Variants in NKX2-8 observed in about 807,000 individuals in gnomAD.
NKX2-8 encodes the protein NK2 homeobox 8.
A neutral mutation model predicts 6.4 loss-of-function variants in NKX2-8; 8 were observed. That is an observed-to-expected ratio of 1.24 (90% CI 0.73 to 2.24). The LOEUF (loss-of-function observed/expected upper bound fraction) is 2.24, where lower values mean the gene tolerates loss of function less well. Among genes scored for constraint, NKX2-8 ranks in the 30% most tolerant of loss-of-function variants. The probability of loss-of-function intolerance (pLI) is 0.00; values close to 1 mark genes in which losing one functional copy is unlikely to be tolerated. For synonymous variants in NKX2-8, 216 were observed against 171.5 expected (o/e 1.26, Z -2.03); for missense variants, 406 against 351.1 (o/e 1.16, Z -1.25).
intron 1 of NKX2-8, 65 bp downstream of exon 1, chr14:36,582,168 C>G: frequency 6.6e-7 from 1 of 1,504,868 alleles, no homozygotes; most frequent in East Asian, 2.4e-5. Flanking sequence ...GTGGGCTGGG[C>G]CCTTGATTCT....
rs758918043 is a variant in NKX2-8, at chr14:36,581,389, C to G, written c.233G>C (p.Gly78Ala). 1 of 1,595,152 alleles carries G rather than the reference C, an allele frequency of 6.3e-7. No individual in the cohort carries two copies. The highest frequency in any genetic ancestry group is 1.1e-5 in the South Asian group (1 of 88,288). ...CTTCTTCCTTTTCTCGGCGTCCGAG[C>G]CCGGAGACGCGGGCCTAGCGGACGG... ...QRPSARPASPGSDAEKRKKRR... is the reference protein window; with the variant it reads ...QRPSARPASPASDAEKRKKRR... Residue 78 changes from glycine to alanine, a missense_variant, in exon 2 of 2, where the codon GGC (glycine) becomes GCC (alanine). Gly to Ala is a moderately conservative substitution (Grantham distance 60). Coordinates refer to ENST00000258829, the MANE Select transcript of NKX2-8 (RefSeq NM_014360.4). This position sits in a 1 kb window ranked among gnomAD's most constrained non-coding sequence, Gnocchi z 5.6.
intron 1 of NKX2-8, 101 bp downstream of exon 1, chr14:36,582,132 C>T: frequency 1.5e-6 from 2 of 1,294,340 alleles, no homozygotes; most frequent in Non-Finnish European, 2.1e-6. Context: ...AGACTCTGGG[C>T]TGGGATTTCG....
Position 36,581,269 on chromosome 14 carries a change from G to T in NKX2-8, c.353C>A (p.Ala118Glu). ...CGTGGGCGTGAGGCGAAGCAGGCTC[G>T]CCAGCTGCTCGCGCTCGGGCGCAGA... Reference protein sequence around the residue: ...YLSAPEREQLASLLRLTPTQV... With the variant: ...YLSAPEREQLESLLRLTPTQV... The change falls in exon 2 of 2, where the codon GCG becomes GAG. Residue 118 changes from alanine to glutamate, a missense_variant. By Grantham distance (107) the Ala-to-Glu change is moderately radical. Transcript: ENST00000258829. The surrounding 1 kb of genome is among the most constrained non-coding windows in gnomAD (Gnocchi z 5.6). 6.2e-7 allele frequency: 1 copy of T among 1,605,916 alleles called. No individual in the cohort carries two copies. The highest frequency in any genetic ancestry group is 8.5e-7 in the Non-Finnish European group (1 of 1,177,080).
Position 36,582,415 on chromosome 14 carries a change from G to T in NKX2-8, c.-26C>A. Reference sequence around the variant, plus strand: ...GGCCGAGGAGGGGAAGGAGGCGGGGGCAGGGCAGGCTGGGAACGGAGGGGC... The same window carrying T: ...GGCCGAGGAGGGGAAGGAGGCGGGGTCAGGGCAGGCTGGGAACGGAGGGGC... On this transcript the variant is annotated 5_prime_UTR_variant, in exon 1 of 2. Transcript: ENST00000258829. 2 of 1,476,292 alleles carry T rather than the reference G, an allele frequency of 1.4e-6. No homozygotes were observed. The highest frequency in any genetic ancestry group is 2.8e-5 in the South Asian group (2 of 72,486). The allele number at this position is 1,476,292 out of a possible 1,614,324, so 91.4% of individuals were successfully genotyped here.
rs915066366 is a variant in NKX2-8 at position 36,580,603 on chromosome 14, T to A, written c.*299A>T. 1.4e-4 allele frequency: 42 copies of A among 305,828 alleles called. No individual in the cohort carries two copies. The highest frequency in any genetic ancestry group is 1.9e-4 in the Non-Finnish European group (32 of 167,898). 18.9% of individuals were successfully genotyped at this position (305,828 alleles called of 1,614,324 possible). Reference sequence around the variant, plus strand: ...CTACGAGGAAAAATACTCTATTTTTTAAAAAAATAACTTGCTTCCTATACA... The same window carrying A: ...CTACGAGGAAAAATACTCTATTTTTAAAAAAAATAACTTGCTTCCTATACA... On this transcript the variant is annotated 3_prime_UTR_variant, in exon 2 of 2. Transcript: ENST00000258829.
chr14:36,580,604 A>T lies in NKX2-8; in HGVS notation c.*298T>A, dbSNP rs544313777. 46 of 304,094 alleles carry T rather than the reference A, an allele frequency of 1.5e-4. No homozygotes were observed. Among genetic ancestry groups the T allele is most frequent in the Middle Eastern group, 1.8e-3 (2 of 1,110 alleles). 18.8% of individuals were successfully genotyped at this position (304,094 alleles called of 1,614,324 possible). A position where few individuals can be genotyped will look rare whatever the true frequency, so the allele number is the denominator to read the frequency against. ...TACGAGGAAAAATACTCTATTTTTT[A>T]AAAAAATAACTTGCTTCCTATACAA... On this transcript the variant is annotated 3_prime_UTR_variant, in exon 2 of 2. Coordinates refer to ENST00000258829, the MANE Select transcript of NKX2-8 (RefSeq NM_014360.4).
Position 36,581,286 on chromosome 14 carries a change from G to A in NKX2-8, c.336C>T (p.Pro112=), listed in dbSNP as rs765188764. The part of the protein sequence containing the change: ...RFRQQRYLSA[P]EREQLASLLR... Reference sequence around the variant, plus strand: ...GCAGGCTCGCCAGCTGCTCGCGCTCGGGCGCAGACAGGTACCGCTGCTGCC... The same window carrying A: ...GCAGGCTCGCCAGCTGCTCGCGCTCAGGCGCAGACAGGTACCGCTGCTGCC... The change falls in exon 2 of 2, where the codon CCC becomes CCT. Residue 112 remains proline (P), a synonymous_variant. Coordinates refer to ENST00000258829, the MANE Select transcript of NKX2-8 (RefSeq NM_014360.4). The surrounding 1 kb of genome is among the most constrained non-coding windows in gnomAD (Gnocchi z 5.6). 3 of 1,600,630 alleles carry A rather than the reference G, an allele frequency of 1.9e-6. No homozygotes were observed. The Admixed American group carries it at 5.2e-5, about 28-fold the overall frequency.
chr14:36,580,898 G>T lies in NKX2-8; in HGVS notation c.*4C>A. On this transcript the variant is annotated 3_prime_UTR_variant, in exon 2 of 2. Transcript: ENST00000258829. Reference sequence around the variant, plus strand: ...AGGGTAGCCCCAGGTGCCGCCCTGCGGCCTCACCAGTTCCAGGAGACCAGG... The same window carrying T: ...AGGGTAGCCCCAGGTGCCGCCCTGCTGCCTCACCAGTTCCAGGAGACCAGG... The T allele has an allele frequency of 7.6e-7, 1 of 1,307,728 alleles. No homozygotes were observed. The highest frequency in any genetic ancestry group is 9.7e-7 in the Non-Finnish European group (1 of 1,033,950). The allele number at this position is 1,307,728 out of a possible 1,614,324, so 81.0% of individuals were successfully genotyped here.
Position 36,580,994 on chromosome 14 carries a change from C to A in NKX2-8, c.628G>T (p.Gly210Cys). 1.5e-6 allele frequency: 2 copies of A among 1,352,118 alleles called. No homozygotes were observed. Among genetic ancestry groups the A allele is most frequent in the Non-Finnish European group, 1.9e-6 (2 of 1,060,922 alleles). The allele number at this position is 1,352,118 out of a possible 1,614,324, so 83.8% of individuals were successfully genotyped here. Residue 210 changes from glycine (G) to cysteine (C), a missense_variant, in exon 2 of 2, where the codon GGC becomes TGC. Physicochemically the swap from Gly to Cys is radical, Grantham distance 159 (BLOSUM62 -3). Transcript: ENST00000258829. ...APPAAACPLP[G>C]YPAFGPGSAL... ...GAGCCGGGACCGAAGGCAGGGTAGCCCGGCAGAGGGCAGGCGGCGGCTGGA... is the reference window on the plus strand; with the variant it reads ...GAGCCGGGACCGAAGGCAGGGTAGCACGGCAGAGGGCAGGCGGCGGCTGGA...
rs974275025 is a variant in NKX2-8 at position 36,581,996 on chromosome 14, G to C, written c.157+237C>G. 6.6e-6 allele frequency among the ~76,000 whole-genome samples: 1 copy of C among 152,196 alleles called. No homozygotes were observed. Among genetic ancestry groups the C allele is most frequent in the African/African-American group, 2.4e-5 (1 of 41,460 alleles). ...TTATTCCGACCTCTAGAAATCGTCA[G>C]ACACAGAAACCCCAAATCTCGGAGC... On this transcript the variant is annotated intron_variant, in intron 1 of 1. Coordinates refer to ENST00000258829, the MANE Select transcript of NKX2-8 (RefSeq NM_014360.4). This position sits in a 1 kb window ranked among gnomAD's most constrained non-coding sequence, Gnocchi z 5.6.
chr14:36,581,234 TCTTGACCTG>T lies in NKX2-8; in HGVS notation c.379_387del (p.Gln127_Lys129del). On this transcript the variant is annotated inframe_deletion, in exon 2 of 2. Transcript: ENST00000258829. This position sits in a 1 kb window ranked among gnomAD's most constrained non-coding sequence, Gnocchi z 5.6. ...TTGTAGCGATGATTCTGGAACCAGATCTTGACCTGCGTGGGCGTGAGGCGAAGCAGGCTC... is the reference window on the plus strand; with the variant it reads ...TTGTAGCGATGATTCTGGAACCAGATCGTGGGCGTGAGGCGAAGCAGGCTC... 1.9e-6 allele frequency: 3 copies of T among 1,611,224 alleles called. No individual in the cohort carries two copies. Among genetic ancestry groups the T allele is most frequent in the Non-Finnish European group, 2.5e-6 (3 of 1,179,356 alleles).
In NKX2-8 at chr14:36,580,984, G is replaced by A. The variant is rs1447668756; in HGVS notation, c.638C>T (p.Ala213Val). 4 of 1,353,044 alleles carry A rather than the reference G, an allele frequency of 3.0e-6. No individual in the cohort carries two copies. In the African/African-American group the frequency reaches 6.0e-5, roughly 20 times the overall value. 83.8% of individuals were successfully genotyped at this position (1,353,044 alleles called of 1,614,324 possible). A position where few individuals can be genotyped will look rare whatever the true frequency, so the allele number is the denominator to read the frequency against. The change falls in exon 2 of 2, where the codon GCC becomes GTC. Residue 213 changes from alanine to valine, a missense_variant. Ala to Val is a moderately conservative substitution (Grantham distance 64). Coordinates refer to ENST00000258829, the MANE Select transcript of NKX2-8 (RefSeq NM_014360.4). ...GCCAAGCGCCGAGCCGGGACCGAAG[G>A]CAGGGTAGCCCGGCAGAGGGCAGGC... ...AAACPLPGYP[A>V]FGPGSALGLF...
In NKX2-8 at chr14:36,581,151, G is replaced by T. The variant is rs1417236694; in HGVS notation, c.471C>A (p.Ala157=). The change falls in exon 2 of 2, where the codon GCC becomes GCA. Residue 157 remains alanine, a synonymous_variant. Coordinates refer to ENST00000258829, the MANE Select transcript of NKX2-8 (RefSeq NM_014360.4). The surrounding 1 kb of genome is among the most constrained non-coding windows in gnomAD (Gnocchi z 5.6). The part of the protein sequence containing the change: ...AAESPDLAAS[A]ELHAAPGLLR... The stretch of plus-strand genomic sequence containing the variant: ...GCAGGCCGGGCGCGGCGTGCAGCTC[G>T]GCGGATGCTGCCAGGTCAGGCGACT... 1 of 1,568,860 alleles carries T rather than the reference G, an allele frequency of 6.4e-7. No individual in the cohort carries two copies.
In NKX2-8 at chr14:36,582,472, GGAGGCGCTCGCCATGC is replaced by G; in HGVS notation, c.-99_-84del. On this transcript the variant is annotated 5_prime_UTR_variant, in exon 1 of 2. It removes an upstream start codon present in the reference 5' UTR. Transcript: ENST00000258829. Reference sequence around the variant, plus strand: ...GACGCCGCTCCTACGGATGGGCGTGGGAGGCGCTCGCCATGCGCTGGCAGCCGGGATATTAGCGCAT... The same window carrying G: ...GACGCCGCTCCTACGGATGGGCGTGGGCTGGCAGCCGGGATATTAGCGCAT... 1 of 1,328,022 alleles carries G rather than the reference GGAGGCGCTCGCCATGC, an allele frequency of 7.5e-7. No individual in the cohort carries two copies. Among genetic ancestry groups the G allele is most frequent in the Non-Finnish European group, 1.0e-6 (1 of 993,394 alleles). The allele number at this position is 1,328,022 out of a possible 1,614,324, so 82.3% of individuals were successfully genotyped here. A position where few individuals can be genotyped will look rare whatever the true frequency, so the allele number is the denominator to read the frequency against.
In NKX2-8 at chr14:36,580,130, G is replaced by A. The variant is rs1879167275; in HGVS notation, c.*772C>T. ...CTCCTGCACTCTGGAAACAGCTTGCGGCCCGGCCTGGGCTGCTCCGGTGCA... is the reference window on the plus strand; with the variant it reads ...CTCCTGCACTCTGGAAACAGCTTGCAGCCCGGCCTGGGCTGCTCCGGTGCA... On this transcript the variant is annotated 3_prime_UTR_variant, in exon 2 of 2. Coordinates refer to ENST00000258829, the MANE Select transcript of NKX2-8 (RefSeq NM_014360.4). 6.6e-6 allele frequency among the ~76,000 whole-genome samples: 1 copy of A among 152,124 alleles called. No homozygotes were observed. Among genetic ancestry groups the A allele is most frequent in the Admixed American group, 6.5e-5 (1 of 15,282 alleles).
rs376874404 is a variant in NKX2-8, at chr14:36,581,362, C to G, written c.260G>C (p.Arg87Pro). 2.5e-6 allele frequency: 4 copies of G among 1,586,926 alleles called. No homozygotes were observed. Among genetic ancestry groups the G allele is most frequent in the Non-Finnish European group, 3.4e-6 (4 of 1,166,804 alleles). Residue 87 changes from arginine to proline, a missense_variant, in exon 2 of 2, where the codon CGG (arginine) becomes CCG (proline). Arg to Pro is a moderately radical substitution (Grantham distance 103). Transcript: ENST00000258829. This position sits in a 1 kb window ranked among gnomAD's most constrained non-coding sequence, Gnocchi z 5.6. ...PGSDAEKRKK[R>P]RVLFSKAQTL... ...CTGCGCCTTGGAGAATAGCACCCGC[C>G]GCTTCTTCCTTTTCTCGGCGTCCGA...
In NKX2-8 at chr14:36,580,770, G is replaced by C. The variant is rs1363092289; in HGVS notation, c.*132C>G. ...CGACGGCTGATGAGGGCGCGCCAGG[G>C]ACCCTGGCGCCCAAGGAGATGGGGC... is the stretch of plus-strand genomic sequence containing the variant. On this transcript the variant is annotated 3_prime_UTR_variant, in exon 2 of 2. Transcript: ENST00000258829. 1.3e-5 allele frequency: 8 copies of C among 611,034 alleles called. No individual in the cohort carries two copies. The allele number at this position is 611,034 out of a possible 1,614,324, so 37.9% of individuals were successfully genotyped here.
chr14:36,582,456 C>T lies in NKX2-8; in HGVS notation c.-67G>A, dbSNP rs1879279272. 2 of 1,415,470 alleles carry T rather than the reference C, an allele frequency of 1.4e-6. No individual in the cohort carries two copies. The highest frequency in any genetic ancestry group is 2.7e-5 in the East Asian group (1 of 37,690). 87.7% of individuals were successfully genotyped at this position (1,415,470 alleles called of 1,614,324 possible). A position where few individuals can be genotyped will look rare whatever the true frequency, so the allele number is the denominator to read the frequency against. On this transcript the variant is annotated 5_prime_UTR_variant, in exon 1 of 2. Transcript: ENST00000258829. Reference sequence around the variant, plus strand: ...ACGGAGGGGCGGCCGGGACGCCGCTCCTACGGATGGGCGTGGGAGGCGCTC... The same window carrying T: ...ACGGAGGGGCGGCCGGGACGCCGCTTCTACGGATGGGCGTGGGAGGCGCTC...
Position 36,581,166 on chromosome 14 carries a change from G to A in NKX2-8, c.456C>T (p.Asp152=). 2 of 1,592,438 alleles carry A rather than the reference G, an allele frequency of 1.3e-6. No individual in the cohort carries two copies. The highest frequency in any genetic ancestry group is 2.7e-5 in the African/African-American group (2 of 74,764). ...CGTGCAGCTCGGCGGATGCTGCCAG[G>A]TCAGGCGACTCCGCCGCCCCTGGAG... ...ARAPGAAESP[D]LAASAELHAA... Residue 152 remains aspartate (D), a synonymous_variant, in exon 2 of 2, where the codon GAC becomes GAT. Transcript: ENST00000258829. This position sits in a 1 kb window ranked among gnomAD's most constrained non-coding sequence, Gnocchi z 5.6.
Sources: allele counts gnomAD v4.1 joint callset (sites outside exome capture counted in the v4.1 genomes callset), GRCh38; gene constraint gnomAD v4.1.1; non-coding constraint Gnocchi (gnomAD v3.1); transcripts MANE v1.5; gene names NCBI Gene and HGNC (gene_info 2026-07-23, HGNC 2026-07-21).